The following CACNA1A variants were observed in gnomAD, a reference collection of about 807,000 sequenced individuals.
The protein encoded by CACNA1A is voltage-dependent P/Q-type calcium channel subunit alpha-1A.
CACNA1A carries 57 observed loss-of-function variants against 262.4 expected under a neutral mutation model. The observed-to-expected ratio is 0.22, with a 90% CI of 0.18 to 0.27. The LOEUF (loss-of-function observed/expected upper bound fraction) is 0.27, where lower values mean the gene tolerates loss of function less well. Among genes scored for constraint, CACNA1A ranks in the 10% least tolerant of loss-of-function variants. The pLI is 1.00. For missense variants in CACNA1A, 2,526 were observed against 3,562.8 expected (o/e 0.71, Z 7.41); for synonymous variants, 1,431 against 1,419.3 (o/e 1.01, Z -0.18).
chr19:13,241,657 T>C lies in CACNA1A; in HGVS notation c.4950+3525A>G. ...TGGGTTTCGGTTCCCGGGCGGGGAG[T>C]GGGGGTGGTGGTGGCGGTGGGTTGG... is the stretch of plus-strand genomic sequence containing the variant. On this transcript the variant is annotated intron_variant, in intron 31 of 46. Transcript: ENST00000360228. The surrounding 1 kb of genome is among the most constrained non-coding windows in gnomAD (Gnocchi z 4.0). 2.3e-6 allele frequency: 1 copy of C among 432,236 alleles called. No individual in the cohort carries two copies. Among genetic ancestry groups the C allele is most frequent in the South Asian group, 1.7e-5 (1 of 58,950 alleles). 26.8% of individuals were successfully genotyped at this position (432,236 alleles called of 1,614,324 possible).
intron 1 of CACNA1A, among the ~76,000 whole-genome samples, chr19:13,461,666 T>C (rs2061127024): frequency 6.6e-6 from 1 of 152,158 alleles, no homozygotes; most frequent in African/African-American, 2.4e-5. Flanking sequence ...TGCCTGATCC[T>C]CCCGATTTAG....
chr19:13,207,631 G>A lies in CACNA1A; in HGVS notation c.7203C>T (p.Pro2401=), dbSNP rs1218506473. The A allele has an allele frequency of 2.0e-6, 3 of 1,478,362 alleles. No homozygotes were observed. The highest frequency in any genetic ancestry group is 2.7e-6 in the Non-Finnish European group (3 of 1,115,212). The allele number at this position is 1,478,362 out of a possible 1,614,324, so 91.6% of individuals were successfully genotyped here. The change falls in exon 47 of 47, where the codon CCC becomes CCT. Residue 2401 remains proline (P), a synonymous_variant. Transcript: ENST00000360228. The surrounding 1 kb of genome is among the most constrained non-coding windows in gnomAD (Gnocchi z 5.7). ...PASGPHVSEG[P]PGPRHHGYYR... ...AGTAGCCATGGTGCCGGGGACCCGG[G>A]GGCCCCTCGGACACGTGCGGGCCAG...
At chr19:13,328,375 G>A (rs559889132) in intron 10 of CACNA1A, among the ~76,000 whole-genome samples, 24 of 152,208 alleles carry the variant, frequency 1.6e-4, no homozygotes, top group Middle Eastern at 6.8e-3. Context: ...AAAGAAAAGC[G>A]TGTTTTGGCT....
chr19:13,444,561 T>C (rs1317117344), intron 3 of CACNA1A, among the ~76,000 whole-genome samples: 1 of 152,168 alleles, frequency 6.6e-6, no homozygotes, highest in African/African-American at 2.4e-5. Flanking sequence ...ACTGGGATTA[T>C]TCTCTGAGGA....
At position 13,255,242 on chromosome 19, in the gene CACNA1A, G is replaced by A. The variant is rs760679421; in HGVS notation, c.4608C>T (p.Phe1536=). The A allele has an allele frequency of 3.7e-5, 60 of 1,602,362 alleles. No homozygotes were observed. The highest frequency in any genetic ancestry group is 4.7e-5 in the Non-Finnish European group (55 of 1,171,136). Residue 1536 remains phenylalanine, a synonymous_variant, in exon 29 of 47, where the codon TTC becomes TTT. Coordinates refer to ENST00000360228, the MANE Select transcript of CACNA1A (RefSeq NM_001127222.2). Reference sequence around the variant, plus strand: ...GGGTCAGCGGCTTGGCGCTGATGGCGAAATCAATGCAGGCCCTCTGCGGGA... The same window carrying A: ...GGGTCAGCGGCTTGGCGCTGATGGCAAAATCAATGCAGGCCCTCTGCGGGA... ...LEKNERACID[F]AISAKPLTRH...
At chr19:13,489,177 A>G (rs1980452898) in intron 1 of CACNA1A, among the ~76,000 whole-genome samples, 1 of 151,196 alleles carries the variant, frequency 6.6e-6, no homozygotes, top group South Asian at 2.1e-4. Flanking sequence ...ATGCCCAGCT[A>G]ATTTTTGTAT....
intron 1 of CACNA1A, among the ~76,000 whole-genome samples, chr19:13,493,561 CT>C (rs1290952051): frequency 1.3e-5 from 2 of 152,262 alleles, no homozygotes; most frequent in Non-Finnish European, 2.9e-5. Context: ...AACCATTTAA[CT>C]GTTCTTTCTC....
At chr19:13,313,515 A>AAAAT (rs1367142193) in intron 11 of CACNA1A, among the ~76,000 whole-genome samples, 2 of 151,044 alleles carry the variant, frequency 1.3e-5, no homozygotes, top group African/African-American at 4.9e-5. Flanking sequence ...AAAAAAAAAA[A>AAAAT]AAAAAAGCAA....
rs147533160 is a variant in CACNA1A at position 13,262,712 on chromosome 19, C to T, written c.4089+22G>A. 4.7e-4 allele frequency: 703 copies of T among 1,507,482 alleles called. 1 individual carries two copies. In the African/African-American group the frequency reaches 8.6e-3, roughly 18 times the overall value. The allele number at this position is 1,507,482 out of a possible 1,614,324, so 93.4% of individuals were successfully genotyped here. On this transcript the variant is annotated intron_variant, in intron 25 of 46. Coordinates refer to ENST00000360228, the MANE Select transcript of CACNA1A (RefSeq NM_001127222.2). ...AACCCTGACAGTCCCCCCCACCGCACCCCACCATCTCCCAATCTCACCTTG... is the reference window on the plus strand; with the variant it reads ...AACCCTGACAGTCCCCCCCACCGCATCCCACCATCTCCCAATCTCACCTTG...
rs578094286 is a variant in CACNA1A, at chr19:13,254,063, G to C, written c.4756-962C>G. Among the ~76,000 whole-genome samples, 3 of 152,238 alleles carry C rather than the reference G, an allele frequency of 2.0e-5. No homozygotes were observed. The South Asian group carries it at 6.2e-4, about 32-fold the overall frequency. ...CACTATTGATCGTTTTTGAAGTGCC[G>C]AGAAGGAGCTAAGGTCCTTGCATGA... On this transcript the variant is annotated intron_variant, in intron 29 of 46. Transcript: ENST00000360228.
intron 3 of CACNA1A, among the ~76,000 whole-genome samples, chr19:13,421,582 G>T (rs73507068): frequency 0.022 from 3,416 of 152,256 alleles, 135 homozygotes; most frequent in African/African-American, 0.078. Context: ...CCTTTGGGAG[G>T]TGATTAGATC....
chr19:13,302,599 G>A (rs1193336541), intron 17 of CACNA1A, among the ~76,000 whole-genome samples: 1 of 152,178 alleles, frequency 6.6e-6, no homozygotes, highest in Non-Finnish European at 1.5e-5. Context: ...GGAGATAAAC[G>A]AACTGGCCTT....
chr19:13,280,680 C>G (rs1040060442), intron 22 of CACNA1A, among the ~76,000 whole-genome samples: 1 of 152,000 alleles, frequency 6.6e-6, no homozygotes, highest in African/African-American at 2.4e-5. Context: ...GTGGCTCACG[C>G]CTGTAATCCC....
chr19:13,499,433 C>T (rs1982078535), intron 1 of CACNA1A, among the ~76,000 whole-genome samples: 1 of 88,436 alleles, frequency 1.1e-5, no homozygotes. Context: ...TCCACACTGA[C>T]CAGTCGCAGG....
intron 1 of CACNA1A, among the ~76,000 whole-genome samples, chr19:13,493,985 C>T (rs2145140732): frequency 6.6e-6 from 1 of 152,366 alleles, no homozygotes; most frequent in South Asian, 2.1e-4. Flanking sequence ...ACCCCTTTCT[C>T]TGTCAAAAAT....
intron 38 of CACNA1A, among the ~76,000 whole-genome samples, chr19:13,221,693 ACTTGTGATC>A (rs1280978446): frequency 6.6e-6 from 1 of 152,024 alleles, no homozygotes; most frequent in African/African-American, 2.4e-5. Flanking sequence ...ATGACCAGTC[ACTTGTGATC>A]CTTGTCATCC....
chr19:13,268,677 G>A (rs182527284), intron 24 of CACNA1A, among the ~76,000 whole-genome samples: 4 of 151,830 alleles, frequency 2.6e-5, no homozygotes, highest in African/African-American at 4.8e-5. Context: ...CTCGTGATCC[G>A]CCCACCTTGG....
In CACNA1A at chr19:13,307,835, T is replaced by C; in HGVS notation, c.1933A>G (p.Thr645Ala). 4.3e-6 allele frequency: 7 copies of C among 1,613,318 alleles called. No homozygotes were observed. Among genetic ancestry groups the C allele is most frequent in the Non-Finnish European group, 5.9e-6 (7 of 1,179,666 alleles). ...FGGQFNFDEG[T>A]PPTNFDTFPA... is the part of the protein sequence containing the mutation. The stretch of plus-strand genomic sequence containing the variant: ...AAAGTATCGAAGTTGGTGGGAGGAG[T>C]CCCTTCATCGAAATTAAACCTGCAG... The change falls in exon 15 of 47, where the codon ACT (threonine) becomes GCT (alanine). Residue 645 changes from threonine (T) to alanine (A), a missense_variant. Transcript: ENST00000360228.
chr19:13,285,034 G>C (rs762260462), intron 21 of CACNA1A, 34 bp downstream of exon 21: 3 of 1,612,774 alleles, frequency 1.9e-6, no homozygotes, highest in Non-Finnish European at 2.5e-6. Context: ...GGGAGCCCCA[G>C]GCCCCCCCTG....
Sources: gnomAD v4.1 joint callset for allele counts (sites outside exome capture counted in the v4.1 genomes callset) on GRCh38, gnomAD v4.1.1 for gene constraint, Gnocchi (gnomAD v3.1) non-coding constraint, MANE v1.5 for transcripts, NCBI Gene and HGNC (gene_info 2026-07-23, HGNC 2026-07-21) for gene names.